The following SH3RF2 variants were observed in gnomAD, a reference collection of about 807,000 sequenced individuals.
The protein encoded by SH3RF2 is E3 ubiquitin-protein ligase SH3RF2.
In SH3RF2, 43 loss-of-function variants were observed where a neutral mutation model predicts 59.0. The ratio of observed to expected loss-of-function variants is 0.73; its 90% CI spans 0.57 to 0.94. The LOEUF (loss-of-function observed/expected upper bound fraction) is 0.94. Ranked by LOEUF, SH3RF2 falls within the 40% of genes least tolerant of loss-of-function variation. The pLI is 0.00. For synonymous variants in SH3RF2, 391 were observed against 391.5 expected, an observed-to-expected ratio of 1.00 and a Z score of 0.01; for missense variants, 930 against 940.1, an observed-to-expected ratio of 0.99 and a Z score of 0.14.
chr5:146,006,663 G>A (rs1358151226), intron 4 of SH3RF2, among the ~76,000 whole-genome samples: 1 of 152,126 alleles, frequency 6.6e-6, no homozygotes, highest in Non-Finnish European at 1.5e-5. Context: ...ATGAAGCCAG[G>A]GAAGTAAATG....
chr5:146,049,825 C>T (rs1762432857), intron 7 of SH3RF2, among the ~76,000 whole-genome samples: 1 of 152,150 alleles, frequency 6.6e-6, no homozygotes, highest in Non-Finnish European at 1.5e-5. Flanking sequence ...GTGTGGCATA[C>T]TGTTCATGTC....
chr5:146,048,882 C>T (rs191356576), intron 6 of SH3RF2, among the ~76,000 whole-genome samples, 193 bp from the exon 7 acceptor site: 20 of 152,306 alleles, frequency 1.3e-4, no homozygotes, highest in Admixed American at 1.2e-3. Flanking sequence ...GTCTCGAACT[C>T]CTGACCTCAG....
chr5:145,943,423 G>A (rs1757894192), intron 2 of SH3RF2, among the ~76,000 whole-genome samples: 1 of 152,148 alleles, frequency 6.6e-6, no homozygotes, highest in Non-Finnish European at 1.5e-5. Flanking sequence ...ATGAAACTAT[G>A]TATGTGTTAA....
chr5:145,975,998 A>T (rs912167183), intron 2 of SH3RF2, among the ~76,000 whole-genome samples: 3 of 152,254 alleles, frequency 2.0e-5, no homozygotes, highest in African/African-American at 7.2e-5. Flanking sequence ...ATACATCATT[A>T]TACAGCTTGC....
chr5:146,028,859 T>C (rs1761638678), intron 5 of SH3RF2, among the ~76,000 whole-genome samples: 1 of 152,146 alleles, frequency 6.6e-6, no homozygotes, highest in South Asian at 2.1e-4. Context: ...ACAGGTAGGA[T>C]GGGGAGACTT....
chr5:146,062,637 T>A lies in SH3RF2; in HGVS notation c.2126T>A (p.Leu709His). ...QQTDLRRKSA[L>H]GKATTLVSTA... ...ACAGACCTCCGGAGAAAGTCAGCTC[T>A]TGGCAAGGCCACAACCCTGGTGTCC... is the stretch of plus-strand genomic sequence containing the variant. The change falls in exon 10 of 10, where the codon CTT (leucine) becomes CAT (histidine). Residue 709 changes from leucine (L) to histidine (H), a missense_variant. Transcript: ENST00000359120. 6.2e-7 allele frequency: 1 copy of A among 1,614,216 alleles called. No homozygotes were observed. Among genetic ancestry groups the A allele is most frequent in the Non-Finnish European group, 8.5e-7 (1 of 1,180,036 alleles).
chr5:146,008,617 C>T (rs7725038), intron 4 of SH3RF2, among the ~76,000 whole-genome samples: 5,852 of 152,170 alleles, frequency 0.038, 318 homozygotes, highest in African/African-American at 0.13. Flanking sequence ...GCAGCTGAAA[C>T]GAGCTTTTTA....
chr5:146,055,828 A>T, intron 7 of SH3RF2, 153 bp from the exon 8 acceptor site: 1 of 822,944 alleles, frequency 1.2e-6, no homozygotes. Flanking sequence ...TTAAGCCTGT[A>T]GTTCACAAAA....
intron 2 of SH3RF2, among the ~76,000 whole-genome samples, chr5:145,944,806 A>G (rs1757949505): frequency 6.6e-6 from 1 of 152,128 alleles, no homozygotes; most frequent in Admixed American, 6.5e-5. Flanking sequence ...TTGTCCATGG[A>G]ACAAAATTTG....
intron 2 of SH3RF2, among the ~76,000 whole-genome samples, chr5:145,998,911 G>T (rs889378456): frequency 6.6e-6 from 1 of 151,980 alleles, no homozygotes. Flanking sequence ...CTCCATCTCA[G>T]AAAGAAAAGA....
intron 2 of SH3RF2, among the ~76,000 whole-genome samples, chr5:145,967,283 A>G (rs957805712): frequency 6.6e-6 from 1 of 152,156 alleles, no homozygotes; most frequent in Non-Finnish European, 1.5e-5. Flanking sequence ...CGACTCCTCT[A>G]ATTGGCCCAT....
rs143151209 is a variant in SH3RF2, at chr5:146,052,582, C to T, written c.1322+3337C>T. ...AAGAACAAGTGCCTATTAGAGGATA[C>T]GCTCCTGAGGGTTCTTAGGTGGCAG... On this transcript the variant is annotated intron_variant, in intron 7 of 9. Transcript: ENST00000359120. Among the ~76,000 whole-genome samples the T allele has an allele frequency of 3.4e-3, 520 of 152,236 alleles. 4 individuals carry two copies. Among genetic ancestry groups the T allele is most frequent in the African/African-American group, 0.012 (495 of 41,542 alleles).
chr5:145,978,692 A>AG (rs1759395323), intron 2 of SH3RF2, among the ~76,000 whole-genome samples: 1 of 151,814 alleles, frequency 6.6e-6, no homozygotes, highest in South Asian at 2.1e-4. Flanking sequence ...AAGGAAAAAA[A>AG]AAAAAAGAAA....
chr5:145,949,161 C>T lies in SH3RF2; in HGVS notation c.378+10855C>T, dbSNP rs138737704. On this transcript the variant is annotated intron_variant, in intron 2 of 9. Coordinates refer to ENST00000359120, the MANE Select transcript of SH3RF2 (RefSeq NM_152550.4). Reference sequence around the variant, plus strand: ...GAGGCCAGGTGTGTTAGGAATGACACGTAGGTGCTTGCAGGGGATTCGGAG... The same window carrying T: ...GAGGCCAGGTGTGTTAGGAATGACATGTAGGTGCTTGCAGGGGATTCGGAG... 1.1e-3 allele frequency among the ~76,000 whole-genome samples: 166 copies of T among 152,116 alleles called. 2 individuals are homozygous for T. The East Asian group carries it at 0.028, about 26-fold the overall frequency.
intron 5 of SH3RF2, among the ~76,000 whole-genome samples, chr5:146,035,016 G>C (rs2150006600): frequency 6.6e-6 from 1 of 152,042 alleles, no homozygotes; most frequent in South Asian, 2.1e-4. Flanking sequence ...TGAAGCAAGA[G>C]AATTGCTTGA....
intron 5 of SH3RF2, among the ~76,000 whole-genome samples, chr5:146,037,562 G>A (rs1761983587): frequency 6.6e-6 from 1 of 152,130 alleles, no homozygotes; most frequent in South Asian, 2.1e-4. Flanking sequence ...AGGCCACCTG[G>A]CAAATGTTCC....
In SH3RF2 at chr5:146,023,557, G is replaced by A. The variant is rs112881351; in HGVS notation, c.1059+9496G>A. Among the ~76,000 whole-genome samples the A allele has an allele frequency of 9.2e-5, 14 of 152,172 alleles. 3 individuals are homozygous for A. Among genetic ancestry groups the A allele is most frequent in the African/African-American group, 3.4e-4 (14 of 41,516 alleles). On this transcript the variant is annotated intron_variant, in intron 5 of 9. Transcript: ENST00000359120. ...ATAGAACTAGAGGCTTGAAAGCTTCGGGCTCAATTTTTTGTCAAGAATACT... is the reference window on the plus strand; with the variant it reads ...ATAGAACTAGAGGCTTGAAAGCTTCAGGCTCAATTTTTTGTCAAGAATACT...
intron 3 of SH3RF2, among the ~76,000 whole-genome samples, chr5:146,003,194 A>C (rs927157822): frequency 2.0e-5 from 3 of 152,224 alleles, no homozygotes; most frequent in Non-Finnish European, 4.4e-5. Context: ...ATATGGCTTC[A>C]TCTGTGTGAG....
At chr5:146,065,096 T>C (rs934275805), downstream of SH3RF2, among the ~76,000 whole-genome samples, 2 of 152,178 alleles carry the variant, frequency 1.3e-5, no homozygotes, top group African/African-American at 2.4e-5. Context: ...CCTTTGGGGC[T>C]GGTAGAGCCA....
Sources: allele counts gnomAD v4.1 joint callset (sites outside exome capture counted in the v4.1 genomes callset), GRCh38; gene constraint gnomAD v4.1.1; transcripts MANE v1.5; gene names NCBI Gene and HGNC (gene_info 2026-07-23, HGNC 2026-07-21).